SDK2: variants seen among roughly 807,000 people sequenced by gnomAD.
SDK2 encodes the protein protein sidekick-2.
Under a neutral mutation model 253.9 loss-of-function variants are expected in SDK2, and 105 were observed. That is an observed-to-expected ratio of 0.41 (90% confidence interval 0.35 to 0.49). SDK2 has a LOEUF of 0.49. Among genes scored for constraint, SDK2 ranks in the 20% least tolerant of loss-of-function variants. The pLI, the probability that SDK2 is intolerant of heterozygous loss-of-function variation, is 0.06. For missense variants in SDK2, 2,608 were observed against 3,003.0 expected, an observed-to-expected ratio of 0.87 and a Z score of 3.07; for synonymous variants, 1,249 against 1,234.9, an observed-to-expected ratio of 1.01 and a Z score of -0.24.
At chr17:73,419,897 T>A (rs12232514) in intron 15 of SDK2, among the ~76,000 whole-genome samples, 102,625 of 150,364 alleles carry the variant, frequency 0.68, 36,037 homozygotes, top group Non-Finnish European at 0.76. Context: ...AAAAAAAAAT[T>A]AATGTACATG....
chr17:73,424,926 A>G (rs917027887), intron 12 of SDK2, among the ~76,000 whole-genome samples: 3 of 152,226 alleles, frequency 2.0e-5, no homozygotes, highest in Non-Finnish European at 4.4e-5. Flanking sequence ...CCTAAGTTTC[A>G]AAAGCAGAAC....
chr17:73,393,051 C>T (rs2062940913), intron 27 of SDK2, among the ~76,000 whole-genome samples: 1 of 151,870 alleles, frequency 6.6e-6, no homozygotes, highest in Non-Finnish European at 1.5e-5. Context: ...TCGAGACCAG[C>T]CTGGCCAACA....
At chr17:73,402,268 G>A (rs2063035125) in intron 18 of SDK2, 127 bp from the exon 19 acceptor site, 2 of 975,904 alleles carry the variant, frequency 2.0e-6, no homozygotes, top group Non-Finnish European at 3.0e-6. Flanking sequence ...TGCCTCCTCC[G>A]AGGGAAGGGA....
chr17:73,368,968 C>T lies in SDK2; in HGVS notation c.4981-375G>A, dbSNP rs375557867. On this transcript the variant is annotated intron_variant, in intron 36 of 44. Coordinates refer to ENST00000392650, the MANE Select transcript of SDK2 (RefSeq NM_001144952.2). ...TGGAGGTTGCAGTGAGCTGAGATCA[C>T]GCCACTGTACTCCAGCCTGGGTGAC... Among the ~76,000 whole-genome samples, 107 of 151,138 alleles carry T rather than the reference C, an allele frequency of 7.1e-4. 1 individual carries two copies. Among genetic ancestry groups the T allele is most frequent in the African/African-American group, 2.4e-3 (100 of 41,008 alleles).
intron 1 of SDK2, among the ~76,000 whole-genome samples, chr17:73,550,211 G>C (rs533152389): frequency 6.6e-6 from 1 of 152,238 alleles, no homozygotes; most frequent in African/African-American, 2.4e-5. Context: ...CTGCAGCAGG[G>C]GGCCAGGGGT....
Position 73,417,983 on chromosome 17 carries a change from G to T in SDK2, c.2186+1183C>A, listed in dbSNP as rs988309039. Among the ~76,000 whole-genome samples, 5 of 148,844 alleles carry T rather than the reference G, an allele frequency of 3.4e-5. No individual in the cohort carries two copies. In the Admixed American group the frequency reaches 3.4e-4, roughly 10 times the overall value. ...CCTAAAACACTGCTTCTCTAAACCTGAAGATGCATCAAAGTCTCCTAGATG... is the reference window on the plus strand; with the variant it reads ...CCTAAAACACTGCTTCTCTAAACCTTAAGATGCATCAAAGTCTCCTAGATG... On this transcript the variant is annotated intron_variant, in intron 16 of 44. Transcript: ENST00000392650.
intron 2 of SDK2, among the ~76,000 whole-genome samples, chr17:73,504,753 G>A (rs964994126): frequency 2.3e-4 from 35 of 152,068 alleles, no homozygotes; most frequent in African/African-American, 8.5e-4. Flanking sequence ...AAATATTCCC[G>A]TGGAGGGGAT....
Position 73,643,275 on chromosome 17 carries a change from A to G in SDK2, c.64+750T>C, listed in dbSNP as rs1459886077. ...AGGCTGCTCCCGGCAGCCACAGGTCACAGCAGCGAGCGGCTGCACAGACTA... is the reference window on the plus strand; with the variant it reads ...AGGCTGCTCCCGGCAGCCACAGGTCGCAGCAGCGAGCGGCTGCACAGACTA... On this transcript the variant is annotated intron_variant, in intron 1 of 44. Transcript: ENST00000392650. This position sits in a 1 kb window ranked among gnomAD's most constrained non-coding sequence, Gnocchi z 6.9. 6.6e-6 allele frequency among the ~76,000 whole-genome samples: 1 copy of G among 152,192 alleles called. No homozygotes were observed. Among genetic ancestry groups the G allele is most frequent in the Non-Finnish European group, 1.5e-5 (1 of 68,006 alleles).
At chr17:73,367,784 G>A (rs552396827) in intron 37 of SDK2, among the ~76,000 whole-genome samples, 55 of 152,260 alleles carry the variant, frequency 3.6e-4, no homozygotes, top group African/African-American at 1.3e-3. Flanking sequence ...GATTACAGGC[G>A]TGAGCCACCA....
At chr17:73,374,813 A>G (rs2062764275) in intron 36 of SDK2, among the ~76,000 whole-genome samples, 1 of 152,076 alleles carries the variant, frequency 6.6e-6, no homozygotes, top group Admixed American at 6.6e-5. Flanking sequence ...GGACTAACTG[A>G]GAGTGGCCAC....
intron 44 of SDK2, among the ~76,000 whole-genome samples, chr17:73,339,928 T>A (rs1485452117): frequency 6.6e-6 from 1 of 152,102 alleles, no homozygotes; most frequent in African/African-American, 2.4e-5. Flanking sequence ...CTGGATGCAA[T>A]GGTGCAATCT....
intron 1 of SDK2, among the ~76,000 whole-genome samples, chr17:73,607,645 GGC>G (rs1406560655): frequency 6.6e-6 from 1 of 152,026 alleles, no homozygotes; most frequent in East Asian, 1.9e-4. Context: ...CAGCATTGAG[GGC>G]AGCCAGATCT....
In SDK2 at chr17:73,612,367, G is replaced by A. The variant is rs1331958439; in HGVS notation, c.64+31658C>T. The stretch of plus-strand genomic sequence containing the variant: ...TGCACCTGGGCTGCAGGCTGGCCCC[G>A]CACAGTCCCCACCCTCACCGGGTCC... On this transcript the variant is annotated intron_variant, in intron 1 of 44. Transcript: ENST00000392650. The surrounding 1 kb of genome is among the most constrained non-coding windows in gnomAD (Gnocchi z 4.4). Among the ~76,000 whole-genome samples, 1 of 149,730 alleles carries A rather than the reference G, an allele frequency of 6.7e-6. No homozygotes were observed. Among genetic ancestry groups the A allele is most frequent in the African/African-American group, 2.5e-5 (1 of 40,540 alleles).
rs564223706 is a variant in SDK2 at position 73,642,259 on chromosome 17, T to C, written c.64+1766A>G. 8.3e-4 allele frequency among the ~76,000 whole-genome samples: 127 copies of C among 152,244 alleles called. No individual in the cohort carries two copies. Among genetic ancestry groups the C allele is most frequent in the Non-Finnish European group, 1.6e-3 (108 of 68,010 alleles). On this transcript the variant is annotated intron_variant, in intron 1 of 44. Transcript: ENST00000392650. The surrounding 1 kb of genome is among the most constrained non-coding windows in gnomAD (Gnocchi z 4.7). ...GCCATCAGGTGCCCTGGGGACTCTA[T>C]AAGGGCCTGGTCCTAGATGAGACAA...
At chr17:73,470,540 C>T (rs1463877268) in intron 3 of SDK2, among the ~76,000 whole-genome samples, 1 of 152,238 alleles carries the variant, frequency 6.6e-6, no homozygotes, top group African/African-American at 2.4e-5. Flanking sequence ...GCCCTCCAGC[C>T]GCTGACAGCT....
At chr17:73,394,141 G>T in intron 26 of SDK2, 68 bp downstream of exon 26, 1 of 969,424 alleles carries the variant, frequency 1.0e-6, no homozygotes, top group Non-Finnish European at 1.5e-6. Context: ...ATAAGGACAA[G>T]GCCCCTTGGA....
chr17:73,443,840 T>C lies in SDK2; in HGVS notation c.614-2917A>G, dbSNP rs1038536547. ...AAAGTCACTACCTCTCAGGGTTGTA[T>C]GAATTCAGGCCCCAGCTCAACAAAT... On this transcript the variant is annotated intron_variant, in intron 5 of 44. Coordinates refer to ENST00000392650, the MANE Select transcript of SDK2 (RefSeq NM_001144952.2). The surrounding 1 kb of genome is among the most constrained non-coding windows in gnomAD (Gnocchi z 4.6). Among the ~76,000 whole-genome samples, 1 of 152,132 alleles carries C rather than the reference T, an allele frequency of 6.6e-6. No homozygotes were observed. Among genetic ancestry groups the C allele is most frequent in the African/African-American group, 2.4e-5 (1 of 41,412 alleles).
chr17:73,544,371 C>G (rs1014029835), intron 1 of SDK2, among the ~76,000 whole-genome samples: 2 of 152,208 alleles, frequency 1.3e-5, no homozygotes, highest in Admixed American at 1.3e-4. Flanking sequence ...GTCTCCCCAC[C>G]CGCACTGAGC....
chr17:73,405,828 T>A (rs1203804207), intron 18 of SDK2, among the ~76,000 whole-genome samples: 2 of 151,244 alleles, frequency 1.3e-5, no homozygotes, highest in African/African-American at 4.9e-5. Context: ...CACGCCATTC[T>A]CCTGCCTCAG....
Sources: allele counts gnomAD v4.1 joint callset (sites outside exome capture counted in the v4.1 genomes callset), GRCh38; gene constraint gnomAD v4.1.1; non-coding constraint Gnocchi (gnomAD v3.1); transcripts MANE v1.5; gene names NCBI Gene and HGNC (gene_info 2026-07-23, HGNC 2026-07-21).